The following TTLL8 variants were observed in gnomAD, a reference collection of about 807,000 sequenced individuals.
TTLL8 encodes the protein tubulin tyrosine ligase like 8, also known as protein monoglycylase TTLL8.
A neutral mutation model predicts 77.8 loss-of-function variants in TTLL8; 65 were observed. The observed-to-expected ratio is 0.84, with a 90% CI of 0.68 to 1.03. TTLL8 has a LOEUF of 1.03. Among genes scored for constraint, TTLL8 ranks in the 50% least tolerant of loss-of-function variants. The pLI is 0.00. For synonymous variants in TTLL8, 402 were observed against 422.8 expected (o/e 0.95, Z 0.60); for missense variants, 910 against 1,004.5 (o/e 0.91, Z 1.27).
In TTLL8 at chr22:50,041,390, A is replaced by G; in HGVS notation, c.831-113T>C. The G allele has an allele frequency of 1.1e-6, 1 of 898,236 alleles. No individual in the cohort carries two copies. The highest frequency in any genetic ancestry group is 1.6e-6 in the Non-Finnish European group (1 of 628,884). The allele number at this position is 898,236 out of a possible 1,614,324, so 55.6% of individuals were successfully genotyped here. A position where few individuals can be genotyped will look rare whatever the true frequency, so the allele number is the denominator to read the frequency against. On this transcript the variant is annotated intron_variant, in intron 7 of 13. Coordinates refer to ENST00000266182, the Ensembl canonical transcript of TTLL8. The surrounding 1 kb of genome is among the most constrained non-coding windows in gnomAD (Gnocchi z 4.3). ...CCCCAAGATCCAGACAGACACCCCA[A>G]TACCCAACAAGTATCCCAGACATCC...
Position 50,034,518 on chromosome 22 carries a change from A to T in TTLL8, c.922-56T>A. On this transcript the variant is annotated intron_variant, in intron 8 of 13. Transcript: ENST00000266182. The surrounding 1 kb of genome is among the most constrained non-coding windows in gnomAD (Gnocchi z 4.1). ...GAAAGCATCGCCACTACAAAGCAAG[A>T]TCCAGAAAGTGCATGAGACTTGGAG... 1 of 1,333,806 alleles carries T rather than the reference A, an allele frequency of 7.5e-7. No individual in the cohort carries two copies. The highest frequency in any genetic ancestry group is 9.9e-7 in the Non-Finnish European group (1 of 1,006,634). 82.6% of individuals were successfully genotyped at this position (1,333,806 alleles called of 1,614,324 possible).
chr22:50,030,875 GCCCGCCACGCAGAGGTCGGA>G lies in TTLL8; in HGVS notation c.1738_1757del (p.Ser580ArgfsTer?). On this transcript the variant is annotated frameshift_variant, in exon 12 of 14. Coordinates refer to ENST00000266182, the Ensembl canonical transcript of TTLL8. LOFTEE classifies it high-confidence loss of function. ...GCCTCCTGGCTCTCCTCACACTGAC[GCCCGCCACGCAGAGGTCGGA>G]CCCGCTGAATGGGGGCGGCTCAACC... 7.5e-7 allele frequency: 1 copy of G among 1,327,084 alleles called. No individual in the cohort carries two copies. The highest frequency in any genetic ancestry group is 1.2e-5 in the South Asian group (1 of 83,420). The allele number at this position is 1,327,084 out of a possible 1,614,324, so 82.2% of individuals were successfully genotyped here. A position where few individuals can be genotyped will look rare whatever the true frequency, so the allele number is the denominator to read the frequency against.
At chr22:50,030,481 G>A (rs936393073) in exon 12 of TTLL8, 29 of 1,344,218 alleles carry the variant, frequency 2.2e-5, no homozygotes, top group Non-Finnish European at 2.9e-5. Flanking sequence ...TTCAGGCCCC[G>A]CAGCACAGGC....
chr22:50,051,769 G>A (rs370165776), intron 1 of TTLL8, among the ~76,000 whole-genome samples: 6 of 152,056 alleles, frequency 3.9e-5, no homozygotes, highest in East Asian at 3.8e-4. Context: ...GTTTTAATTC[G>A]CATTTCCCTG....
In TTLL8 at chr22:50,034,033, C is replaced by CA. The variant is rs1328977318; in HGVS notation, c.1039+311dup. Among the ~76,000 whole-genome samples the CA allele has an allele frequency of 2.6e-5, 4 of 151,908 alleles. No homozygotes were observed. Among genetic ancestry groups the CA allele is most frequent in the Non-Finnish European group, 5.9e-5 (4 of 67,982 alleles). The stretch of plus-strand genomic sequence containing the variant: ...GGGCAACAAGAGTGAAACTCCGTTT[C>CA]AAAAAACTAAAAATAAAATAATAAA... On this transcript the variant is annotated intron_variant, in intron 9 of 13. Transcript: ENST00000266182. The surrounding 1 kb of genome is among the most constrained non-coding windows in gnomAD (Gnocchi z 4.1).
Position 50,034,323 on chromosome 22 carries a change from G to A in TTLL8, c.1039+22C>T, listed in dbSNP as rs375070261. The A allele has an allele frequency of 6.4e-5, 86 of 1,350,338 alleles. No homozygotes were observed. Among genetic ancestry groups the A allele is most frequent in the Middle Eastern group, 2.9e-4 (1 of 3,466 alleles). 83.6% of individuals were successfully genotyped at this position (1,350,338 alleles called of 1,614,324 possible). ...AGTGTGGCCGTTGGTGGCTATGAACGCGGTGCAGGGAGCATCCGCACCAGG... is the reference window on the plus strand; with the variant it reads ...AGTGTGGCCGTTGGTGGCTATGAACACGGTGCAGGGAGCATCCGCACCAGG... On this transcript the variant is annotated intron_variant, in intron 9 of 13. Transcript: ENST00000266182. This position sits in a 1 kb window ranked among gnomAD's most constrained non-coding sequence, Gnocchi z 4.1.
chr22:50,021,549 CACTCCTCCATCTGATGATGTGT>C (rs1421323439), intron 12 of TTLL8, among the ~76,000 whole-genome samples: 1 of 134,704 alleles, frequency 7.4e-6, no homozygotes, highest in African/African-American at 2.9e-5. Flanking sequence ...ATCTGATGTG[CACTCCTCCATCTGATGATGTGT>C]ACTCCTCCAT....
chr22:50,034,174 C>T lies in TTLL8; in HGVS notation c.1039+171G>A, dbSNP rs2061318787. On this transcript the variant is annotated intron_variant, in intron 9 of 13. Coordinates refer to ENST00000266182, the Ensembl canonical transcript of TTLL8. This position sits in a 1 kb window ranked among gnomAD's most constrained non-coding sequence, Gnocchi z 4.1. ...ATCGGAACACATGCTGTGAAGACGC[C>T]TCCAGCTCTGCTCCAGCGCCTGAGT... 2 of 606,118 alleles carry T rather than the reference C, an allele frequency of 3.3e-6. No individual in the cohort carries two copies. The highest frequency in any genetic ancestry group is 4.1e-6 in the Non-Finnish European group (2 of 483,658). 37.5% of individuals were successfully genotyped at this position (606,118 alleles called of 1,614,324 possible). A position where few individuals can be genotyped will look rare whatever the true frequency, so the allele number is the denominator to read the frequency against.
Position 50,031,682 on chromosome 22 carries a change from T to C in TTLL8, c.1707+4A>G. 7.8e-7 allele frequency: 1 copy of C among 1,276,740 alleles called. No individual in the cohort carries two copies. 79.1% of individuals were successfully genotyped at this position (1,276,740 alleles called of 1,614,324 possible). A position where few individuals can be genotyped will look rare whatever the true frequency, so the allele number is the denominator to read the frequency against. On this transcript the variant is annotated splice_donor_region_variant and intron_variant, in intron 11 of 13. Coordinates refer to ENST00000266182, the Ensembl canonical transcript of TTLL8. ...CAAAGTCCCCAGGGGCGGGCGTGGC[T>C]CACCTGCCTCCACAGGAGCTCGAAG...
At chr22:50,030,581 G>A (rs1185689167) in exon 12 of TTLL8, 1 of 1,303,214 alleles carries the variant, frequency 7.7e-7, no homozygotes, top group South Asian at 1.3e-5. Context: ...GACTGTCCAC[G>A]TGGCGACAGG....
chr22:50,035,250 G>A (rs934958402), intron 8 of TTLL8, among the ~76,000 whole-genome samples: 3 of 152,194 alleles, frequency 2.0e-5, no homozygotes, highest in African/African-American at 7.2e-5. Flanking sequence ...GCACAGGAGT[G>A]AGAGCCAGTG....
intron 8 of TTLL8, among the ~76,000 whole-genome samples, chr22:50,035,562 C>T (rs1257148117): frequency 6.6e-6 from 1 of 152,184 alleles, no homozygotes; most frequent in South Asian, 2.1e-4. Context: ...TGGTGAGCGC[C>T]GAGCACTCCT....
intron 1 of TTLL8, among the ~76,000 whole-genome samples, chr22:50,054,256 T>C (rs920956745): frequency 6.6e-6 from 1 of 152,098 alleles, no homozygotes; most frequent in Non-Finnish European, 1.5e-5. Flanking sequence ...GGTCACTTGC[T>C]CTTCTCATTC....
At position 50,034,725 on chromosome 22, in the gene TTLL8, G is replaced by A. The variant is rs2061323998; in HGVS notation, c.922-263C>T. ...GTGTTAAGACAGTGGGGACCCCGGT[G>A]TGTGGGTCGGAGCTGGCCACAGACC... On this transcript the variant is annotated intron_variant, in intron 8 of 13. Transcript: ENST00000266182. This position sits in a 1 kb window ranked among gnomAD's most constrained non-coding sequence, Gnocchi z 4.1. 6.6e-6 allele frequency among the ~76,000 whole-genome samples: 1 copy of A among 152,084 alleles called. No homozygotes were observed. The highest frequency in any genetic ancestry group is 1.5e-5 in the Non-Finnish European group (1 of 67,998).
At chr22:50,029,624 G>A (rs550163165) in intron 12 of TTLL8, among the ~76,000 whole-genome samples, 3 of 152,168 alleles carry the variant, frequency 2.0e-5, no homozygotes, top group Non-Finnish European at 2.9e-5. Context: ...CCAGCTACTC[G>A]GGAGGCTGAG....
exon 2 of TTLL8, chr22:50,050,118 G>C (rs117334902): frequency 7.3e-7 from 1 of 1,366,690 alleles, no homozygotes; most frequent in African/African-American, 1.5e-5. Flanking sequence ...CCATTGACCC[G>C]GGCGCCTTCA....
At position 50,041,205 on chromosome 22, in the gene TTLL8, G is replaced by A. The variant is rs777003776; in HGVS notation, c.903C>T (p.Pro301=). Reference sequence around the variant, plus strand: ...ACCCCACCTGCCTGTCTCGGGCTGTGGGGGGCTCAAATGACATCATAACCT... The same window carrying A: ...ACCCCACCTGCCTGTCTCGGGCTGTAGGGGGCTCAAATGACATCATAACCT... The change falls in exon 8 of 14, where the codon CCC becomes CCT. Residue 301 remains proline (P), a synonymous_variant. Transcript: ENST00000266182. This position sits in a 1 kb window ranked among gnomAD's most constrained non-coding sequence, Gnocchi z 4.3. 5 of 461,578 alleles carry A rather than the reference G, an allele frequency of 1.1e-5. No homozygotes were observed. Among genetic ancestry groups the A allele is most frequent in the East Asian group, 7.7e-5 (1 of 12,968 alleles). 28.6% of individuals were successfully genotyped at this position (461,578 alleles called of 1,614,324 possible). A position where few individuals can be genotyped will look rare whatever the true frequency, so the allele number is the denominator to read the frequency against.
At chr22:50,039,791 T>TCTCACAGAC (rs2061357774) in intron 8 of TTLL8, among the ~76,000 whole-genome samples, 1 of 106,558 alleles carries the variant, frequency 9.4e-6, no homozygotes, top group South Asian at 3.3e-4. Flanking sequence ...TGTGGATGGA[T>TCTCACAGAC]CTCACAGACC....
At chr22:50,026,767 C>T (rs1309161575) in intron 12 of TTLL8, among the ~76,000 whole-genome samples, 6 of 152,130 alleles carry the variant, frequency 3.9e-5, no homozygotes, top group South Asian at 4.1e-4. Flanking sequence ...TTCACAAGAC[C>T]GTTTGGAAAG....
Sources: gnomAD v4.1 joint callset for allele counts (sites outside exome capture counted in the v4.1 genomes callset) on GRCh38, gnomAD v4.1.1 for gene constraint, Gnocchi (gnomAD v3.1) non-coding constraint, MANE v1.5 for transcripts, NCBI Gene and HGNC (gene_info 2026-07-23, HGNC 2026-07-21) for gene names.